Variants in DOK7 observed in about 807,000 individuals in gnomAD.
DOK7 encodes protein Dok-7.
In DOK7, 32 loss-of-function variants were observed where a neutral mutation model predicts 30.7. The observed-to-expected ratio is 1.04, with a 90% CI of 0.79 to 1.40. The LOEUF (loss-of-function observed/expected upper bound fraction) is 1.40, where lower values mean the gene tolerates loss of function less well. Among genes scored for constraint, DOK7 ranks in the 40% most tolerant of loss-of-function variants. The pLI, the probability that DOK7 is intolerant of heterozygous loss-of-function variation, is 0.00. For missense variants in DOK7, 1,007 were observed against 699.2 expected (o/e 1.44, Z -4.97); for synonymous variants, 447 against 324.1 (o/e 1.38, Z -4.07).
intron 3 of DOK7, among the ~76,000 whole-genome samples, chr4:3,474,647 C>T (rs972215658): frequency 2.0e-5 from 3 of 152,204 alleles, no homozygotes; most frequent in Non-Finnish European, 2.9e-5. Context: ...CATAGCGAAG[C>T]CCCATCTCTA....
intron 4 of DOK7, among the ~76,000 whole-genome samples, chr4:3,479,091 A>G (rs552058137): frequency 2.0e-5 from 3 of 152,124 alleles, no homozygotes; most frequent in Non-Finnish European, 4.4e-5. Context: ...GAAACCCCAA[A>G]TCAAGGGGTC....
intron 5 of DOK7, among the ~76,000 whole-genome samples, chr4:3,489,000 G>T (rs374800699): frequency 6.6e-6 from 1 of 152,234 alleles, no homozygotes; most frequent in South Asian, 2.1e-4. Context: ...GTGCTGAGGG[G>T]CCAGTGAGAG....
rs531129801 is a variant in DOK7, at chr4:3,464,928, G to A, written c.100+1377G>A. 4.6e-5 allele frequency among the ~76,000 whole-genome samples: 7 copies of A among 152,324 alleles called. No homozygotes were observed. The East Asian group carries it at 7.7e-4, about 17-fold the overall frequency. On this transcript the variant is annotated intron_variant, in intron 2 of 6. Coordinates refer to ENST00000340083, the MANE Select transcript of DOK7 (RefSeq NM_173660.5). ...CTGTGAGTCTGTAGGTGAACATGGT[G>A]GCTCCCGAGCGTCTGCTGGGTTATC...
rs748663610 is a variant in DOK7 at position 3,493,234 on chromosome 4, A to C, written c.1248A>C (p.Arg416Ser). The C allele has an allele frequency of 1.2e-6, 2 of 1,612,114 alleles. No homozygotes were observed. Among genetic ancestry groups the C allele is most frequent in the Non-Finnish European group, 1.7e-6 (2 of 1,179,696 alleles). ...CACGCAGCCTTTGCCTGGCTCCTAG[A>C]GACCACAGCCCCCCCTCACAGGGCA... ...DTPRSLCLAP[R>S]DHSPPSQGSP... is the part of the protein sequence containing the mutation. Residue 416 changes from arginine (R) to serine (S), a missense_variant, in exon 7 of 7, where the codon AGA (arginine) becomes AGC (serine). Coordinates refer to ENST00000340083, the MANE Select transcript of DOK7 (RefSeq NM_173660.5).
intron 3 of DOK7, among the ~76,000 whole-genome samples, chr4:3,474,142 G>A (rs568668331): frequency 1.3e-5 from 2 of 152,306 alleles, no homozygotes; most frequent in South Asian, 2.1e-4. Flanking sequence ...CAGGGGCTTC[G>A]AATGGGTGCC....
chr4:3,468,730 A>C (rs1249041998), intron 2 of DOK7, among the ~76,000 whole-genome samples: 1 of 108,530 alleles, frequency 9.2e-6, no homozygotes. Flanking sequence ...GCGTGCCTGT[A>C]TGTCTGCCTG....
At chr4:3,500,086 G>A (rs113780842) in intron 6 of DOK7, among the ~76,000 whole-genome samples, 5 of 151,906 alleles carry the variant, frequency 3.3e-5, no homozygotes, top group African/African-American at 9.7e-5. Flanking sequence ...GCAGCGCTGG[G>A]CCAAAGATGG....
intron 2 of DOK7, among the ~76,000 whole-genome samples, chr4:3,464,801 A>T (rs1241568106): frequency 6.6e-6 from 1 of 152,142 alleles, no homozygotes; most frequent in Non-Finnish European, 1.5e-5. Flanking sequence ...AGACAGTCCC[A>T]GGAGGCAGGG....
chr4:3,476,352 C>G lies in DOK7; in HGVS notation c.342C>G (p.Phe114Leu). 1 of 1,598,412 alleles carries G rather than the reference C, an allele frequency of 6.3e-7. No individual in the cohort carries two copies. Among genetic ancestry groups the G allele is most frequent in the East Asian group, 2.3e-5 (1 of 43,906 alleles). Residue 114 changes from phenylalanine to leucine, a missense_variant, in exon 4 of 7, where the codon TTC becomes TTG. Phe to Leu is a conservative substitution (Grantham distance 22). Coordinates refer to ENST00000340083, the MANE Select transcript of DOK7 (RefSeq NM_173660.5). Reference sequence around the variant, plus strand: ...CCCGCCTGCCCGCAGTGCATAGGTTCCATGTGACAGTGGCTCCAGGCACCA... The same window carrying G: ...CCCGCCTGCCCGCAGTGCATAGGTTGCATGTGACAGTGGCTCCAGGCACCA... ...IRYALGEVHR[F>L]HVTVAPGTKL...
chr4:3,485,408 C>T, intron 4 of DOK7, 131 bp from the exon 5 acceptor site: 1 of 1,270,712 alleles, frequency 7.9e-7, no homozygotes, highest in Non-Finnish European at 1.0e-6. Flanking sequence ...GGGCATCTGA[C>T]TTCGTGGGGC....
chr4:3,490,624 T>TCCTCTGCTCCC (rs1728281107), intron 6 of DOK7, among the ~76,000 whole-genome samples: 1 of 111,408 alleles, frequency 9.0e-6, no homozygotes, highest in African/African-American at 3.7e-5. Flanking sequence ...GTTCATTCCT[T>TCCTCTGCTCCC]CCCTCTCCGC....
At chr4:3,480,737 A>G (rs1426528766) in intron 4 of DOK7, among the ~76,000 whole-genome samples, 1 of 152,244 alleles carries the variant, frequency 6.6e-6, no homozygotes, top group East Asian at 1.9e-4. Context: ...GGCAGCCTGG[A>G]CAGAGCTGGC....
At position 3,476,468 on chromosome 4, in the gene DOK7, A is replaced by C. The variant is rs1362167631; in HGVS notation, c.458A>C (p.Lys153Thr). The C allele has an allele frequency of 1.2e-5, 20 of 1,613,686 alleles. No homozygotes were observed. The highest frequency in any genetic ancestry group is 1.7e-5 in the Non-Finnish European group (20 of 1,180,036). Reference sequence around the variant, plus strand: ...CCCCCGGCTGTCACGGGGCAGTGGAAGCTGTCTGACCTCCGGCGCTACGGG... The same window carrying C: ...CCCCCGGCTGTCACGGGGCAGTGGACGCTGTCTGACCTCCGGCGCTACGGG... Reference protein sequence around the residue: ...DIPPAVTGQWKLSDLRRYGAV... With the variant: ...DIPPAVTGQWTLSDLRRYGAV... Residue 153 changes from lysine to threonine, a missense_variant, in exon 4 of 7, where the codon AAG (lysine) becomes ACG (threonine). Lys to Thr is a moderately conservative substitution (Grantham distance 78). Coordinates refer to ENST00000340083, the MANE Select transcript of DOK7 (RefSeq NM_173660.5).
At chr4:3,486,767 C>T (rs1179392723) in intron 5 of DOK7, among the ~76,000 whole-genome samples, 1 of 151,964 alleles carries the variant, frequency 6.6e-6, no homozygotes, top group Admixed American at 6.6e-5. Context: ...CGGCTGCAGG[C>T]AGGTGTGGAT....
At chr4:3,497,222 G>A (rs1219359407), downstream of DOK7, among the ~76,000 whole-genome samples, 1 of 152,048 alleles carries the variant, frequency 6.6e-6, no homozygotes, top group Admixed American at 6.5e-5. Flanking sequence ...GTGTGGACCT[G>A]TTCCTGGGAG....
intron 2 of DOK7, among the ~76,000 whole-genome samples, chr4:3,465,361 C>T (rs531217226): frequency 5.3e-5 from 8 of 152,334 alleles, no homozygotes; most frequent in East Asian, 3.9e-4. Context: ...GCTGCCTTCC[C>T]GCTCAGCGCT....
At chr4:3,484,629 G>T in intron 4 of DOK7, 1 of 985,510 alleles carries the variant, frequency 1.0e-6, no homozygotes, top group Non-Finnish European at 1.2e-6. Context: ...TCCACGGGTG[G>T]CGGCTGCATC....
At chr4:3,495,115 T>C (rs574837610), downstream of DOK7, among the ~76,000 whole-genome samples, 1 of 152,288 alleles carries the variant, frequency 6.6e-6, no homozygotes, top group South Asian at 2.1e-4. Context: ...CGCCCCTCTC[T>C]GAGCCTCAGT....
At chr4:3,495,392 G>A (rs1253791531), downstream of DOK7, among the ~76,000 whole-genome samples, 1 of 152,248 alleles carries the variant, frequency 6.6e-6, no homozygotes, top group Non-Finnish European at 1.5e-5. Flanking sequence ...TGGGGGCAAG[G>A]TCCCTCTGAT....
Sources: allele counts gnomAD v4.1 joint callset (sites outside exome capture counted in the v4.1 genomes callset), GRCh38; gene constraint gnomAD v4.1.1; transcripts MANE v1.5; gene names NCBI Gene and HGNC (gene_info 2026-07-23, HGNC 2026-07-21).